The following PKHD1L1 variants were observed in gnomAD, a reference collection of about 807,000 sequenced individuals.
PKHD1L1 encodes fibrocystin-L.
Under a neutral mutation model 462.9 loss-of-function variants are expected in PKHD1L1, and 434 were observed. That is an observed-to-expected ratio of 0.94 (90% CI 0.87 to 1.02). The LOEUF is 1.02. PKHD1L1 is among the 50% of genes least tolerant of loss of function. The pLI, the probability that PKHD1L1 is intolerant of heterozygous loss-of-function variation, is 0.00. For synonymous variants in PKHD1L1, 1,781 were observed against 1,750.0 expected, an observed-to-expected ratio of 1.02 and a Z score of -0.44; for missense variants, 5,202 against 5,096.1, an observed-to-expected ratio of 1.02 and a Z score of -0.63.
chr8:109,441,313 G>T lies in PKHD1L1; in HGVS notation c.4138G>T (p.Val1380Phe). Residue 1380 changes from valine to phenylalanine, a missense_variant, in exon 34 of 78, where the codon GTC becomes TTC. This residue lies in a region of PKHD1L1 where 4,497 missense variants were observed against 4,336.8 expected (regional missense o/e 1.04). Transcript: ENST00000378402. ...CAATGTTACATCATCATCAGAAAATGTCATAAAATGTATTCTTCATTCAAC... is the reference window on the plus strand; with the variant it reads ...CAATGTTACATCATCATCAGAAAATTTCATAAAATGTATTCTTCATTCAAC... ...PCNVTSSSEN[V>F]IKCILHSTGN... The T allele has an allele frequency of 6.3e-7, 1 of 1,588,992 alleles. No homozygotes were observed. Among genetic ancestry groups the T allele is most frequent in the South Asian group, 1.1e-5 (1 of 87,940 alleles).
intron 49 of PKHD1L1, among the ~76,000 whole-genome samples, 178 bp from the exon 50 acceptor site, chr8:109,466,400 C>T (rs1817439470): frequency 6.6e-6 from 1 of 152,120 alleles, no homozygotes; most frequent in Non-Finnish European, 1.5e-5. Flanking sequence ...GACCAAAGAG[C>T]CACTGCAAAG....
chr8:109,393,632 C>T (rs1231561722), intron 9 of PKHD1L1, among the ~76,000 whole-genome samples: 1 of 152,132 alleles, frequency 6.6e-6, no homozygotes, highest in Non-Finnish European at 1.5e-5. Flanking sequence ...CTCAAACTGC[C>T]TGGGTCCAGT....
At position 109,444,923 on chromosome 8, in the gene PKHD1L1, C is replaced by T. The variant is rs141467551; in HGVS notation, c.5054C>T (p.Ala1685Val). Residue 1685 changes from alanine (A) to valine (V), a missense_variant, in exon 38 of 78, where the codon GCC (alanine) becomes GTC (valine). Coordinates refer to ENST00000378402, the MANE Select transcript of PKHD1L1 (RefSeq NM_177531.6). ...TSVTIKGSGF[A>V]VSSAGVKVLM... ...GTGACCATAAAAGGCTCTGGATTTG[C>T]CGTTTCTTCTGCAGGTGTAAAAGTC... 1.2e-5 allele frequency: 19 copies of T among 1,613,968 alleles called. No individual in the cohort carries two copies. The African/African-American group carries it at 2.3e-4, about 19-fold the overall frequency.
At chr8:109,406,085 T>A (rs568554369) in intron 16 of PKHD1L1, among the ~76,000 whole-genome samples, 1 of 152,184 alleles carries the variant, frequency 6.6e-6, no homozygotes, top group Non-Finnish European at 1.5e-5. Flanking sequence ...AATCCAATGA[T>A]TATTACTGTG....
rs1821044551 is a variant in PKHD1L1 at position 109,531,649 on chromosome 8, G to A, written c.*1559G>A. Among the ~76,000 whole-genome samples the A allele has an allele frequency of 1.3e-5, 2 of 152,122 alleles. No individual in the cohort carries two copies. Reference sequence around the variant, plus strand: ...ACAGAAAAAATTCAAATGAACAGCTGGAATGGAAATAGTCACAATTTTAAG... The same window carrying A: ...ACAGAAAAAATTCAAATGAACAGCTAGAATGGAAATAGTCACAATTTTAAG... On this transcript the variant is annotated 3_prime_UTR_variant, in exon 78 of 78. Coordinates refer to ENST00000378402, the MANE Select transcript of PKHD1L1 (RefSeq NM_177531.6).
intron 37 of PKHD1L1, 137 bp from the exon 38 acceptor site, chr8:109,444,524 C>G: frequency 1.2e-6 from 1 of 811,406 alleles, no homozygotes; most frequent in Non-Finnish European, 1.9e-6. Context: ...CAGCCCCTCC[C>G]AAATTAAATT....
chr8:109,450,847 G>A, intron 40 of PKHD1L1, 128 bp from the exon 41 acceptor site: 2 of 897,196 alleles, frequency 2.2e-6, no homozygotes, highest in Middle Eastern at 5.8e-4. Flanking sequence ...TTCACATGTA[G>A]CCTAGGTATA....
At chr8:109,429,525 A>C (rs927978864) in intron 26 of PKHD1L1, 63 bp downstream of exon 26, 130 of 1,470,318 alleles carry the variant, frequency 8.8e-5, no homozygotes, top group Admixed American at 6.7e-4. Context: ...AGTTTGTAAT[A>C]TGTTAAAGAC....
At position 109,433,234 on chromosome 8, in the gene PKHD1L1, C is replaced by T; in HGVS notation, c.3340+18C>T. On this transcript the variant is annotated intron_variant, in intron 28 of 77. Coordinates refer to ENST00000378402, the MANE Select transcript of PKHD1L1 (RefSeq NM_177531.6). Reference sequence around the variant, plus strand: ...TGTGGATGGTAGGTCCTTTTAAAAACTATTAAGTCTAATTGTTCTTCTCTA... The same window carrying T: ...TGTGGATGGTAGGTCCTTTTAAAAATTATTAAGTCTAATTGTTCTTCTCTA... The T allele has an allele frequency of 3.9e-6, 6 of 1,531,028 alleles. No individual in the cohort carries two copies. Among genetic ancestry groups the T allele is most frequent in the Non-Finnish European group, 5.4e-6 (6 of 1,109,166 alleles). 94.8% of individuals were successfully genotyped at this position (1,531,028 alleles called of 1,614,324 possible).
chr8:109,459,436 A>T (rs1816991896), intron 46 of PKHD1L1, among the ~76,000 whole-genome samples, 159 bp from the exon 47 acceptor site: 1 of 118,478 alleles, frequency 8.4e-6, no homozygotes, highest in Non-Finnish European at 2.0e-5. Flanking sequence ...ATCAAGCAAG[A>T]ATAAAATATT....
chr8:109,504,955 C>T (rs1243020183), intron 68 of PKHD1L1, among the ~76,000 whole-genome samples: 2 of 152,094 alleles, frequency 1.3e-5, no homozygotes, highest in African/African-American at 4.8e-5. Flanking sequence ...CTCACTGCAG[C>T]CTCAAACTCT....
intron 50 of PKHD1L1, among the ~76,000 whole-genome samples, chr8:109,473,015 T>C (rs1440477667): frequency 1.3e-5 from 2 of 152,178 alleles, no homozygotes; most frequent in Non-Finnish European, 2.9e-5. Context: ...TTTGAGACAC[T>C]AACTCTTAAT....
At position 109,435,360 on chromosome 8, in the gene PKHD1L1, G is replaced by T. The variant is rs2130713742; in HGVS notation, c.3505+6G>T. ...TGATTCTGGAAGCATAGCAGGTAAT[G>T]GTTAATAGTTTAAACAGAGAGAAAA... is the stretch of plus-strand genomic sequence containing the variant. On this transcript the variant is annotated splice_donor_region_variant and intron_variant, in intron 29 of 77. Transcript: ENST00000378402. 1 of 1,607,994 alleles carries T rather than the reference G, an allele frequency of 6.2e-7. No homozygotes were observed. Among genetic ancestry groups the T allele is most frequent in the Non-Finnish European group, 8.5e-7 (1 of 1,175,812 alleles).
chr8:109,442,649 A>T (rs915354275), intron 35 of PKHD1L1, among the ~76,000 whole-genome samples: 7 of 151,908 alleles, frequency 4.6e-5, no homozygotes, highest in Non-Finnish European at 1.5e-5. Flanking sequence ...CGAAAAAAAA[A>T]TTTTCTTTCA....
Position 109,518,380 on chromosome 8 carries a change from T to C in PKHD1L1, c.11903T>C (p.Ile3968Thr). The C allele has an allele frequency of 6.2e-7, 1 of 1,613,320 alleles. No individual in the cohort carries two copies. Among genetic ancestry groups the C allele is most frequent in the Non-Finnish European group, 8.5e-7 (1 of 1,179,524 alleles). ...AAAAATCTTGCCTTGTTCCTAAAGA[T>C]ACCAAGTGACAAAATCCGTATCAGC... ...LVKNLALFLK[I>T]PSDKIRISKI... Residue 3968 changes from isoleucine to threonine, a missense_variant, in exon 73 of 78, where the codon ATA becomes ACA. Around this residue, in one of 3 missense-constraint regions of PKHD1L1, gnomAD observed 698 missense variants for 736.3 expected, o/e 0.95. Coordinates refer to ENST00000378402, the MANE Select transcript of PKHD1L1 (RefSeq NM_177531.6).
At chr8:109,477,478 A>G in intron 53 of PKHD1L1, 82 bp downstream of exon 53, 1 of 1,271,350 alleles carries the variant, frequency 7.9e-7, no homozygotes, top group Non-Finnish European at 1.1e-6. Context: ...GTGAAATAAT[A>G]ATGCTTTACT....
At position 109,445,468 on chromosome 8, in the gene PKHD1L1, G is replaced by T. The variant is rs368760596; in HGVS notation, c.5599G>T (p.Asp1867Tyr). 1.4e-5 allele frequency: 23 copies of T among 1,613,776 alleles called. No individual in the cohort carries two copies. The African/African-American group carries it at 2.7e-4, about 19-fold the overall frequency. The part of the protein sequence containing the change: ...YPGNTTVTIG[D>Y]EPCQIISINP... ...AGGCAACACTACAGTCACTATTGGG[G>T]ATGAACCTTGTCAAATTATTTCCAT... The change falls in exon 38 of 78, where the codon GAT (aspartate) becomes TAT (tyrosine). Residue 1867 changes from aspartate to tyrosine, a missense_variant. Coordinates refer to ENST00000378402, the MANE Select transcript of PKHD1L1 (RefSeq NM_177531.6).
intron 72 of PKHD1L1, among the ~76,000 whole-genome samples, chr8:109,517,911 C>T (rs1475373405): frequency 1.3e-5 from 2 of 151,974 alleles, no homozygotes; most frequent in Non-Finnish European, 2.9e-5. Flanking sequence ...CTCATTTATA[C>T]TGTGTCTATA....
intron 6 of PKHD1L1, among the ~76,000 whole-genome samples, chr8:109,386,443 G>T (rs1812446149): frequency 6.6e-6 from 1 of 152,062 alleles, no homozygotes; most frequent in Non-Finnish European, 1.5e-5. Context: ...AGCAATTAGA[G>T]AATTTTTTGA....
Sources: gnomAD v4.1 joint callset for allele counts (sites outside exome capture counted in the v4.1 genomes callset) on GRCh38, gnomAD v4.1.1 for gene constraint, gnomAD v4.1.1 regional missense constraint, MANE v1.5 for transcripts, NCBI Gene and HGNC (gene_info 2026-07-23, HGNC 2026-07-21) for gene names.